The following KHDRBS2 variants were observed in gnomAD, a reference collection of about 807,000 sequenced individuals.
KHDRBS2 encodes KH RNA binding domain containing, signal transduction associated 2.
In KHDRBS2, 26 loss-of-function variants were observed where a neutral mutation model predicts 44.3. The observed-to-expected ratio is 0.59, with a 90% CI of 0.43 to 0.81. The LOEUF (loss-of-function observed/expected upper bound fraction) is 0.81, where lower values mean the gene tolerates loss of function less well. Ranked by LOEUF, KHDRBS2 falls within the 40% of genes least tolerant of loss-of-function variation. KHDRBS2 has a pLI of 0.00. For missense variants in KHDRBS2, 476 were observed against 433.1 expected (o/e 1.10, Z -0.88); for synonymous variants, 194 against 151.1 (o/e 1.28, Z -2.08).
At chr6:62,256,358 C>A (rs1837391655) in intron 1 of KHDRBS2, among the ~76,000 whole-genome samples, 1 of 151,944 alleles carries the variant, frequency 6.6e-6, no homozygotes, top group Non-Finnish European at 1.5e-5. Context: ...GTAGCTCTCA[C>A]AATTCCCACG....
intron 6 of KHDRBS2, among the ~76,000 whole-genome samples, chr6:61,759,109 C>A (rs766872942): frequency 1.3e-5 from 2 of 152,028 alleles, no homozygotes; most frequent in Non-Finnish European, 2.9e-5. Context: ...GGACTTCAAG[C>A]CTTTTAAAGC....
rs940400848 is a variant in KHDRBS2, at chr6:61,889,444, C to T, written c.810+5191G>A. ...AAACAGTGTCTCAATTTAACCCAGT[C>T]GTTCAGTCTAATCACCTTTACTTCA... is the stretch of plus-strand genomic sequence containing the variant. On this transcript the variant is annotated intron_variant, in intron 6 of 8. Transcript: ENST00000281156. 7.9e-5 allele frequency among the ~76,000 whole-genome samples: 12 copies of T among 152,162 alleles called. No individual in the cohort carries two copies. The East Asian group carries it at 1.5e-3, about 20-fold the overall frequency.
intron 4 of KHDRBS2, among the ~76,000 whole-genome samples, chr6:61,954,270 T>C (rs1346071541): frequency 6.6e-6 from 1 of 151,656 alleles, no homozygotes; most frequent in Non-Finnish European, 1.5e-5. Flanking sequence ...TATGCCTGCA[T>C]AGAAATGTGC....
chr6:62,230,169 C>T (rs935166923), intron 1 of KHDRBS2, among the ~76,000 whole-genome samples: 2 of 152,120 alleles, frequency 1.3e-5, no homozygotes, highest in African/African-American at 4.8e-5. Flanking sequence ...TATTTCAACT[C>T]CTTTTCTTCT....
At chr6:61,700,179 A>G (rs2127545307) in intron 7 of KHDRBS2, among the ~76,000 whole-genome samples, 1 of 151,956 alleles carries the variant, frequency 6.6e-6, no homozygotes, top group Non-Finnish European at 1.5e-5. Context: ...GTCATCATCA[A>G]TACATTTTCT....
intron 6 of KHDRBS2, among the ~76,000 whole-genome samples, chr6:61,838,396 G>T (rs973539439): frequency 2.0e-5 from 3 of 151,940 alleles, no homozygotes; most frequent in African/African-American, 7.2e-5. Flanking sequence ...ATATCAAAAT[G>T]AAGAACACGC....
chr6:61,956,813 C>A (rs555181213), intron 4 of KHDRBS2, among the ~76,000 whole-genome samples: 4 of 152,190 alleles, frequency 2.6e-5, no homozygotes, highest in African/African-American at 9.6e-5. Flanking sequence ...AAAATGCAAA[C>A]AAATAATATC....
intron 2 of KHDRBS2, among the ~76,000 whole-genome samples, chr6:62,056,267 T>G (rs765502209): frequency 1.8e-4 from 28 of 151,956 alleles, no homozygotes; most frequent in Non-Finnish European, 3.4e-4. Flanking sequence ...TATATAAAAT[T>G]TCATTAATCC....
chr6:61,856,405 T>G (rs974014369), intron 6 of KHDRBS2, among the ~76,000 whole-genome samples: 14 of 152,088 alleles, frequency 9.2e-5, no homozygotes, highest in Non-Finnish European at 1.9e-4. Context: ...CACTTACTTA[T>G]TTTTACTCAG....
At chr6:61,698,926 G>A (rs1288935981) in intron 7 of KHDRBS2, among the ~76,000 whole-genome samples, 1 of 152,018 alleles carries the variant, frequency 6.6e-6, no homozygotes, top group Non-Finnish European at 1.5e-5. Flanking sequence ...AGTCTATTTA[G>A]ACCAGGGACC....
chr6:62,193,436 G>A (rs1389659896), intron 1 of KHDRBS2, among the ~76,000 whole-genome samples: 1 of 151,984 alleles, frequency 6.6e-6, no homozygotes, highest in Non-Finnish European at 1.5e-5. Context: ...CATATAAAAC[G>A]ATGAAACCAC....
At chr6:62,156,673 G>A (rs1415052114) in intron 2 of KHDRBS2, among the ~76,000 whole-genome samples, 2 of 151,728 alleles carry the variant, frequency 1.3e-5, no homozygotes, top group Non-Finnish European at 2.9e-5. Flanking sequence ...TTTTTGAGAC[G>A]GAGTCTCGCT....
At chr6:62,251,491 T>C (rs1471030771) in intron 1 of KHDRBS2, among the ~76,000 whole-genome samples, 2 of 151,982 alleles carry the variant, frequency 1.3e-5, no homozygotes, top group Non-Finnish European at 2.9e-5. Flanking sequence ...ACTGGATCCA[T>C]ATCACATAGA....
chr6:61,664,208 C>A, the KHDRBS2 span, among the ~76,000 whole-genome samples: 1 of 151,556 alleles, frequency 6.6e-6, no homozygotes, highest in African/African-American at 2.4e-5. Flanking sequence ...AATTCAACAC[C>A]CTTCCTTGGG....
the KHDRBS2 span, among the ~76,000 whole-genome samples, chr6:61,548,091 G>A: frequency 6.6e-6 from 1 of 151,978 alleles, no homozygotes; most frequent in Admixed American, 6.6e-5. Flanking sequence ...AATCTAATAG[G>A]AACTGAAATG....
chr6:61,640,933 T>C, the KHDRBS2 span, among the ~76,000 whole-genome samples: 1 of 144,512 alleles, frequency 6.9e-6, no homozygotes, highest in African/African-American at 2.9e-5. Flanking sequence ...TGCTACTTTC[T>C]TAGACAAACT....
chr6:62,123,485 C>T (rs1410112474), intron 2 of KHDRBS2, among the ~76,000 whole-genome samples: 1 of 152,304 alleles, frequency 6.6e-6, no homozygotes, highest in East Asian at 1.9e-4. Context: ...CTGTCTTCTA[C>T]AATGGTTGAA....
intron 2 of KHDRBS2, among the ~76,000 whole-genome samples, chr6:62,175,843 G>A (rs1339308829): frequency 6.6e-6 from 1 of 151,382 alleles, no homozygotes; most frequent in Non-Finnish European, 1.5e-5. Context: ...AACTTAAAGA[G>A]CCATCAAGAC....
chr6:61,952,746 G>T (rs9345810), intron 4 of KHDRBS2, among the ~76,000 whole-genome samples: 1 of 151,858 alleles, frequency 6.6e-6, no homozygotes, highest in East Asian at 1.9e-4. Context: ...TGTGTCAAGT[G>T]CATTACACAT....
Sources: allele counts gnomAD v4.1 joint callset (sites outside exome capture counted in the v4.1 genomes callset), GRCh38; gene constraint gnomAD v4.1.1; transcripts MANE v1.5; gene names NCBI Gene and HGNC (gene_info 2026-07-23, HGNC 2026-07-21).